Variants in GNA14 observed in about 807,000 individuals in gnomAD.
The protein encoded by GNA14 is G protein subunit alpha 14.
Under a neutral mutation model 42.0 loss-of-function variants are expected in GNA14, and 50 were observed. The observed-to-expected ratio is 1.19, with a 90% confidence interval of 0.95 to 1.51. GNA14 has a LOEUF of 1.51. Among genes scored for constraint, GNA14 ranks in the 40% most tolerant of loss-of-function variants. GNA14 has a pLI of 0.00. For missense variants in GNA14, 473 were observed against 446.2 expected, an observed-to-expected ratio of 1.06 and a Z score of -0.54; for synonymous variants, 173 against 163.1, an observed-to-expected ratio of 1.06 and a Z score of -0.46.
intron 2 of GNA14, among the ~76,000 whole-genome samples, chr9:77,478,076 T>C (rs1466110147): frequency 1.3e-5 from 2 of 151,824 alleles, no homozygotes; most frequent in Admixed American, 6.6e-5. Flanking sequence ...ATGCATAATG[T>C]GCAGGGTTTT....
At chr9:77,563,739 C>T (rs1396838179) in intron 1 of GNA14, among the ~76,000 whole-genome samples, 1 of 152,076 alleles carries the variant, frequency 6.6e-6, no homozygotes, top group African/African-American at 2.4e-5. Flanking sequence ...GACAGTTAAT[C>T]TCATGCTTTC....
chr9:77,501,139 G>C (rs1215985518), intron 2 of GNA14, among the ~76,000 whole-genome samples: 2 of 152,110 alleles, frequency 1.3e-5, no homozygotes, highest in African/African-American at 4.8e-5. Context: ...ATTTTTAGTA[G>C]AGATGGGGTT....
intron 2 of GNA14, among the ~76,000 whole-genome samples, chr9:77,515,208 A>G (rs1187563860): frequency 6.6e-6 from 1 of 152,180 alleles, no homozygotes; most frequent in African/African-American, 2.4e-5. Flanking sequence ...GCCTGCATCT[A>G]TGTCAGGCAC....
At chr9:77,436,337 C>T (rs1835638552) in intron 2 of GNA14, among the ~76,000 whole-genome samples, 1 of 152,142 alleles carries the variant, frequency 6.6e-6, no homozygotes, top group Admixed American at 6.5e-5. Context: ...CCTCAGTGTC[C>T]TCATTTGTAA....
intron 2 of GNA14, among the ~76,000 whole-genome samples, chr9:77,483,301 G>C (rs937133522): frequency 6.6e-6 from 1 of 152,184 alleles, no homozygotes; most frequent in African/African-American, 2.4e-5. Context: ...AGGTCTGTTG[G>C]AGTTTGTTAG....
intron 1 of GNA14, among the ~76,000 whole-genome samples, chr9:77,551,790 G>T (rs1020348097): frequency 6.6e-6 from 1 of 151,852 alleles, no homozygotes; most frequent in African/African-American, 2.4e-5. Flanking sequence ...GGCTCATTTG[G>T]TAGAAATCAT....
intron 2 of GNA14, among the ~76,000 whole-genome samples, chr9:77,508,494 T>A (rs1837106062): frequency 6.6e-6 from 1 of 152,186 alleles, no homozygotes; most frequent in Non-Finnish European, 1.5e-5. Flanking sequence ...TATGCATGCA[T>A]GTTTGTGTAT....
At chr9:77,516,159 G>A (rs990507593) in intron 2 of GNA14, among the ~76,000 whole-genome samples, 23 of 152,074 alleles carry the variant, frequency 1.5e-4, no homozygotes, top group African/African-American at 5.3e-4. Flanking sequence ...TTAAATCCTC[G>A]AAGCTTTGTA....
At chr9:77,455,049 A>C (rs562177636) in intron 2 of GNA14, among the ~76,000 whole-genome samples, 1 of 152,336 alleles carries the variant, frequency 6.6e-6, no homozygotes, top group East Asian at 1.9e-4. Context: ...AAGTCCAGGC[A>C]ATGGTATAAC....
rs1835398060 is a variant in GNA14, at chr9:77,423,174, G to A, written c.*805C>T. On this transcript the variant is annotated 3_prime_UTR_variant, in exon 7 of 7. Transcript: ENST00000341700. ...TGGTGGCCATCAGAACTTTGGCAGG[G>A]TTACGTAACATTTGTCAAACAATGT... 1 of 151,966 alleles carries A rather than the reference G, an allele frequency of 6.6e-6. No homozygotes were observed. The highest frequency in any genetic ancestry group is 1.5e-5 in the Non-Finnish European group (1 of 68,018). The allele number at this position is 151,966 out of a possible 1,614,324, so 9.4% of individuals were successfully genotyped here. A position where few individuals can be genotyped will look rare whatever the true frequency, so the allele number is the denominator to read the frequency against.
At chr9:77,452,576 GCA>G (rs1835924277) in intron 2 of GNA14, among the ~76,000 whole-genome samples, 39 of 132,048 alleles carry the variant, frequency 3.0e-4, no homozygotes, top group Middle Eastern at 3.9e-3. Flanking sequence ...GTGTGTATGT[GCA>G]TGTGTATGTG....
At chr9:77,531,077 C>T (rs1274610349) in intron 1 of GNA14, among the ~76,000 whole-genome samples, 1 of 152,224 alleles carries the variant, frequency 6.6e-6, no homozygotes, top group Non-Finnish European at 1.5e-5. Context: ...CTTGGATACC[C>T]AGAAGCAGCA....
chr9:77,587,632 A>G (rs1823326218), intron 1 of GNA14, among the ~76,000 whole-genome samples: 1 of 152,190 alleles, frequency 6.6e-6, no homozygotes, highest in African/African-American at 2.4e-5. Flanking sequence ...GGGAGGTGGG[A>G]CAAAGGGATG....
At chr9:77,617,911 C>A (rs79651936) in intron 1 of GNA14, among the ~76,000 whole-genome samples, 3,124 of 152,116 alleles carry the variant, frequency 0.021, 62 homozygotes, top group African/African-American at 0.049. Flanking sequence ...TTACTCCTGG[C>A]AAAATTAGGC....
chr9:77,457,956 A>G (rs1411421633), intron 2 of GNA14, among the ~76,000 whole-genome samples: 1 of 151,750 alleles, frequency 6.6e-6, no homozygotes, highest in Non-Finnish European at 1.5e-5. Flanking sequence ...TCTTAAGCAC[A>G]CCAAAACAAA....
At chr9:77,632,876 G>C (rs1344290016) in intron 1 of GNA14, among the ~76,000 whole-genome samples, 1 of 152,166 alleles carries the variant, frequency 6.6e-6, no homozygotes, top group African/African-American at 2.4e-5. Flanking sequence ...GACTCAGGCT[G>C]GTAATGTGAG....
At chr9:77,482,726 C>T (rs1388391300) in intron 2 of GNA14, among the ~76,000 whole-genome samples, 1 of 152,142 alleles carries the variant, frequency 6.6e-6, no homozygotes, top group African/African-American at 2.4e-5. Flanking sequence ...TCACATAGTC[C>T]CATATTTCTT....
chr9:77,475,400 T>C (rs1836400998), intron 2 of GNA14, among the ~76,000 whole-genome samples: 1 of 152,194 alleles, frequency 6.6e-6, no homozygotes, highest in Non-Finnish European at 1.5e-5. Context: ...ACAGGGCTTG[T>C]GACATTAAAG....
At chr9:77,433,562 T>C (rs1441522510) in intron 3 of GNA14, among the ~76,000 whole-genome samples, 1 of 151,924 alleles carries the variant, frequency 6.6e-6, no homozygotes, top group Non-Finnish European at 1.5e-5. Context: ...GAGGTCTTGC[T>C]CTGCTGCCCA....
Sources: allele counts gnomAD v4.1 joint callset (sites outside exome capture counted in the v4.1 genomes callset), GRCh38; gene constraint gnomAD v4.1.1; transcripts MANE v1.5; gene names NCBI Gene and HGNC (gene_info 2026-07-23, HGNC 2026-07-21).